ARHGAP26: variants seen among roughly 807,000 people sequenced by gnomAD.
ARHGAP26 encodes Rho GTPase activating protein 26, also known as rho GTPase-activating protein 26.
Under a neutral mutation model 104.8 loss-of-function variants are expected in ARHGAP26, and 38 were observed. That is an observed-to-expected ratio of 0.36 (90% CI 0.28 to 0.48). ARHGAP26 has a LOEUF of 0.48. Ranked by LOEUF, ARHGAP26 falls within the 20% of genes least tolerant of loss-of-function variation. The pLI is 0.99. For synonymous variants in ARHGAP26, 341 were observed against 340.0 expected, an observed-to-expected ratio of 1.00 and a Z score of -0.03; for missense variants, 704 against 947.9, an observed-to-expected ratio of 0.74 and a Z score of 3.38.
intron 17 of ARHGAP26, among the ~76,000 whole-genome samples, chr5:143,096,357 A>G (rs1435665476): frequency 1.3e-5 from 2 of 152,248 alleles, no homozygotes; most frequent in Admixed American, 1.3e-4. Context: ...TCTTGAAAGC[A>G]TAAATTTTAT....
rs1789255893 is a variant in ARHGAP26, at chr5:143,077,858, T to C, written c.1538+20111T>C. On this transcript the variant is annotated intron_variant, in intron 17 of 22. Transcript: ENST00000645722. ...CAAGAGTAGGGTGGGGCTGTAGCTG[T>C]TGGTGCCTAGGCTCTTCTTTTCTGG... 2.0e-5 allele frequency among the ~76,000 whole-genome samples: 3 copies of C among 152,128 alleles called. No individual in the cohort carries two copies. In the South Asian group the frequency reaches 6.2e-4, roughly 32 times the overall value.
chr5:143,125,836 A>G (rs1796663315), intron 18 of ARHGAP26, among the ~76,000 whole-genome samples: 1 of 152,198 alleles, frequency 6.6e-6, no homozygotes, highest in African/African-American at 2.4e-5. Context: ...ACCCTATAAA[A>G]TTGATATTTT....
chr5:142,905,469 T>C (rs1760976972), intron 8 of ARHGAP26, among the ~76,000 whole-genome samples: 1 of 152,154 alleles, frequency 6.6e-6, no homozygotes, highest in Admixed American at 6.5e-5. Flanking sequence ...GCAACAATGG[T>C]GTAAGGAACA....
At chr5:143,158,855 A>G (rs1238716674) in intron 20 of ARHGAP26, among the ~76,000 whole-genome samples, 1 of 151,550 alleles carries the variant, frequency 6.6e-6, no homozygotes, top group African/African-American at 2.4e-5. Context: ...TCTTCAGGGA[A>G]AACCAAGATG....
At chr5:142,908,990 A>G (rs1483332280) in intron 9 of ARHGAP26, 2 of 162,284 alleles carry the variant, frequency 1.2e-5, no homozygotes, top group African/African-American at 2.4e-5. Context: ...GATATTCTAC[A>G]TTTCATTATG....
chr5:142,830,208 T>C (rs1768124806), intron 1 of ARHGAP26, among the ~76,000 whole-genome samples: 2 of 152,206 alleles, frequency 1.3e-5, no homozygotes, highest in African/African-American at 4.8e-5. Context: ...GTGCTATTAT[T>C]CAGGTTTCTT....
chr5:143,061,620 T>C (rs1786722212), intron 17 of ARHGAP26, among the ~76,000 whole-genome samples: 1 of 152,178 alleles, frequency 6.6e-6, no homozygotes, highest in Non-Finnish European at 1.5e-5. Context: ...TCATTTAGGA[T>C]GCTTTGAGCT....
chr5:143,048,919 G>GA (rs79094425), intron 14 of ARHGAP26, among the ~76,000 whole-genome samples: 42,298 of 106,202 alleles, frequency 0.4, 6,523 homozygotes, highest in Non-Finnish European at 0.45. Context: ...TCTCAAAAAA[G>GA]AAAAAAAAAA....
intron 17 of ARHGAP26, among the ~76,000 whole-genome samples, chr5:143,118,749 A>G (rs1385232101): frequency 2.0e-5 from 3 of 151,554 alleles, no homozygotes; most frequent in African/African-American, 7.3e-5. Context: ...TCCAGCCTGG[A>G]TGACAGAGAA....
intron 1 of ARHGAP26, among the ~76,000 whole-genome samples, chr5:142,794,256 A>T (rs1425427177): frequency 1.3e-5 from 2 of 152,190 alleles, no homozygotes; most frequent in Non-Finnish European, 2.9e-5. Flanking sequence ...CCTTGAGATA[A>T]TCCCTGAAGC....
intron 22 of ARHGAP26, chr5:143,216,443 C>A (rs1221439501): frequency 5.4e-6 from 2 of 373,108 alleles, no homozygotes; most frequent in African/African-American, 2.1e-5. Context: ...GCCCCTCTGA[C>A]CTCACGCCCT....
chr5:142,779,871 C>T (rs922758131), intron 1 of ARHGAP26, among the ~76,000 whole-genome samples: 4 of 152,062 alleles, frequency 2.6e-5, no homozygotes, highest in African/African-American at 7.2e-5. Flanking sequence ...GAATATTAGT[C>T]GAACAAATAA....
chr5:142,841,573 G>C (rs891980549), intron 1 of ARHGAP26, among the ~76,000 whole-genome samples: 3 of 152,202 alleles, frequency 2.0e-5, no homozygotes, highest in Admixed American at 6.5e-5. Context: ...ACCCTGCAAA[G>C]CTCCTCAGCC....
chr5:142,912,309 AAG>A (rs1761938386), intron 9 of ARHGAP26, among the ~76,000 whole-genome samples: 1 of 152,260 alleles, frequency 6.6e-6, no homozygotes, highest in Non-Finnish European at 1.5e-5. Context: ...GCCAGACAAA[AAG>A]AGCACATACT....
At chr5:143,173,631 C>T (rs904970343) in intron 20 of ARHGAP26, among the ~76,000 whole-genome samples, 12 of 152,122 alleles carry the variant, frequency 7.9e-5, no homozygotes, top group South Asian at 2.1e-4. Context: ...CCATTTTTGC[C>T]GGTAGCAGCC....
At chr5:143,207,412 T>C (rs1599518976) in intron 21 of ARHGAP26, 104 bp downstream of exon 21, 1 of 1,614,200 alleles carries the variant, frequency 6.2e-7, no homozygotes, top group Non-Finnish European at 8.5e-7. Context: ...CTTTGTTCCC[T>C]GCCATCCAAA....
chr5:142,812,724 G>A (rs1019837306), intron 1 of ARHGAP26, among the ~76,000 whole-genome samples: 6 of 151,970 alleles, frequency 3.9e-5, no homozygotes, highest in Admixed American at 6.6e-5. Context: ...TTTTTTTAGC[G>A]ATGGGGTCTT....
chr5:143,042,891 C>T (rs1350833586), intron 14 of ARHGAP26, among the ~76,000 whole-genome samples: 3 of 152,234 alleles, frequency 2.0e-5, no homozygotes, highest in South Asian at 2.1e-4. Flanking sequence ...TTGTTTAAAA[C>T]TATGATTATT....
At chr5:143,153,555 G>A (rs1800097955) in intron 20 of ARHGAP26, among the ~76,000 whole-genome samples, 1 of 152,168 alleles carries the variant, frequency 6.6e-6, no homozygotes, top group Admixed American at 6.5e-5. Flanking sequence ...CCCCACCAGG[G>A]ACATAACATG....
Sources: gnomAD v4.1 joint callset for allele counts (sites outside exome capture counted in the v4.1 genomes callset) on GRCh38, gnomAD v4.1.1 for gene constraint, MANE v1.5 for transcripts, NCBI Gene and HGNC (gene_info 2026-07-23, HGNC 2026-07-21) for gene names.